The following SORCS3 variants were observed in gnomAD, a reference collection of about 807,000 sequenced individuals.
The protein encoded by SORCS3 is sortilin related VPS10 domain containing receptor 3.
A neutral mutation model predicts 146.3 loss-of-function variants in SORCS3; 57 were observed. The observed-to-expected ratio is 0.39, with a 90% CI of 0.31 to 0.49. The LOEUF (loss-of-function observed/expected upper bound fraction) is 0.49. SORCS3 is among the 20% of genes least tolerant of loss of function. SORCS3 has a pLI of 0.92. For synonymous variants in SORCS3, 653 were observed against 618.5 expected, an observed-to-expected ratio of 1.06 and a Z score of -0.83; for missense variants, 1,341 against 1,575.5, an observed-to-expected ratio of 0.85 and a Z score of 2.52.
intron 4 of SORCS3, among the ~76,000 whole-genome samples, chr10:105,004,854 A>G (rs2055085101): frequency 6.6e-6 from 1 of 152,018 alleles, no homozygotes; most frequent in South Asian, 2.1e-4. Flanking sequence ...TGCAACGTTC[A>G]GTCTTATCAA....
At chr10:104,652,768 A>G (rs1318752173) in intron 1 of SORCS3, among the ~76,000 whole-genome samples, 1 of 152,202 alleles carries the variant, frequency 6.6e-6, no homozygotes, top group Non-Finnish European at 1.5e-5. Context: ...TGTGACCTGT[A>G]TTGATTGCTC....
intron 3 of SORCS3, among the ~76,000 whole-genome samples, chr10:104,916,777 G>A (rs1051636651): frequency 2.6e-5 from 4 of 151,990 alleles, no homozygotes; most frequent in South Asian, 2.1e-4. Context: ...AAAAAAAAAT[G>A]GCACCACCAA....
intron 1 of SORCS3, among the ~76,000 whole-genome samples, chr10:104,836,236 C>G (rs564045829): frequency 1.8e-4 from 28 of 152,216 alleles, no homozygotes; most frequent in Non-Finnish European, 3.8e-4. Flanking sequence ...ATCACTCTCC[C>G]CAACCCTGTC....
At chr10:105,226,968 G>A (rs2056737056) in intron 20 of SORCS3, among the ~76,000 whole-genome samples, 1 of 151,350 alleles carries the variant, frequency 6.6e-6, no homozygotes, top group Non-Finnish European at 1.5e-5. Context: ...TCCAGCAAGT[G>A]GTTTGTTGAT....
intron 4 of SORCS3, among the ~76,000 whole-genome samples, chr10:105,016,528 G>C (rs2055168950): frequency 6.6e-6 from 1 of 152,020 alleles, no homozygotes; most frequent in South Asian, 2.1e-4. Context: ...AAATTGTAGA[G>C]CTGAAAGGGC....
intron 1 of SORCS3, among the ~76,000 whole-genome samples, chr10:104,758,934 T>C (rs756235059): frequency 6.6e-6 from 1 of 152,190 alleles, no homozygotes; most frequent in Non-Finnish European, 1.5e-5. Flanking sequence ...AGGTCTTGTA[T>C]GGCTTGAATT....
chr10:105,217,893 A>C, intron 19 of SORCS3: 1 of 454,090 alleles, frequency 2.2e-6, no homozygotes, highest in South Asian at 1.6e-5. Flanking sequence ...GGTTTCCCAC[A>C]TGTGTATCAG....
chr10:104,931,525 A>G (rs916601486), intron 3 of SORCS3, among the ~76,000 whole-genome samples: 1 of 152,238 alleles, frequency 6.6e-6, no homozygotes, highest in Admixed American at 6.5e-5. Context: ...AACCAAAGGC[A>G]GCAACATCAA....
intron 1 of SORCS3, 68 bp downstream of exon 1, chr10:104,642,022 G>GAA: frequency 1.2e-5 from 2 of 173,334 alleles, no homozygotes; most frequent in Non-Finnish European, 2.2e-5. Context: ...GGGTGGGTGG[G>GAA]AGCGAGGGAC....
intron 2 of SORCS3, among the ~76,000 whole-genome samples, chr10:104,905,960 G>C (rs1308912982): frequency 1.3e-5 from 2 of 152,162 alleles, no homozygotes; most frequent in Non-Finnish European, 2.9e-5. Flanking sequence ...ATTTAAAGAT[G>C]AGTGGGACAC....
At chr10:104,844,847 A>G (rs940207538) in intron 2 of SORCS3, among the ~76,000 whole-genome samples, 5 of 152,226 alleles carry the variant, frequency 3.3e-5, no homozygotes, top group African/African-American at 1.2e-4. Context: ...TGAGATCCTT[A>G]ACTTAATGAC....
chr10:104,698,325 G>A (rs2133428893), intron 1 of SORCS3, among the ~76,000 whole-genome samples: 1 of 152,220 alleles, frequency 6.6e-6, no homozygotes, highest in South Asian at 2.1e-4. Context: ...TGTGGTCATT[G>A]CACTCTTTTT....
At chr10:105,237,234 C>G (rs536071706) in intron 20 of SORCS3, among the ~76,000 whole-genome samples, 1 of 152,176 alleles carries the variant, frequency 6.6e-6, no homozygotes, top group East Asian at 1.9e-4. Context: ...GAGTCCAGAC[C>G]GAATCTTCTT....
intron 1 of SORCS3, among the ~76,000 whole-genome samples, chr10:104,688,373 G>C (rs1019442953): frequency 6.6e-6 from 1 of 152,236 alleles, no homozygotes; most frequent in African/African-American, 2.4e-5. Context: ...CAGTTGGAGG[G>C]GGGGACCCAG....
At chr10:104,692,002 T>A (rs918077098) in intron 1 of SORCS3, among the ~76,000 whole-genome samples, 1 of 152,188 alleles carries the variant, frequency 6.6e-6, no homozygotes, top group African/African-American at 2.4e-5. Flanking sequence ...GTCTGTTTTT[T>A]TTTACCCTGC....
chr10:104,809,540 G>A (rs1443372468), intron 1 of SORCS3, among the ~76,000 whole-genome samples: 2 of 152,186 alleles, frequency 1.3e-5, no homozygotes, highest in Non-Finnish European at 2.9e-5. Flanking sequence ...CAAGTAAAAC[G>A]CCAACCTATA....
intron 16 of SORCS3, among the ~76,000 whole-genome samples, chr10:105,207,272 T>TTTTTTATTATTATTATTATTA (rs148959945): frequency 1.2e-4 from 18 of 147,176 alleles, no homozygotes; most frequent in Non-Finnish European, 2.2e-4. Context: ...CATGCAGAGG[T>TTTTTTATTATTATTATTATTA]TTATTATTAT....
intron 4 of SORCS3, among the ~76,000 whole-genome samples, chr10:104,998,327 A>G (rs1371273181): frequency 1.3e-5 from 2 of 152,116 alleles, no homozygotes; most frequent in Non-Finnish European, 1.5e-5. Context: ...GTACATTGAA[A>G]ATAATGATGG....
chr10:104,766,847 A>G (rs1430614303), intron 1 of SORCS3, among the ~76,000 whole-genome samples: 1 of 152,192 alleles, frequency 6.6e-6, no homozygotes, highest in East Asian at 1.9e-4. Flanking sequence ...AGAAAATGGC[A>G]ACTTCCTTTC....
Sources: gnomAD v4.1 joint callset for allele counts (sites outside exome capture counted in the v4.1 genomes callset) on GRCh38, gnomAD v4.1.1 for gene constraint, MANE v1.5 for transcripts, NCBI Gene and HGNC (gene_info 2026-07-23, HGNC 2026-07-21) for gene names.